Variants in NFIX observed in about 807,000 individuals in gnomAD.
The protein encoded by NFIX is nuclear factor 1 X-type.
NFIX carries 2 observed loss-of-function variants against 53.3 expected under a neutral mutation model. The ratio of observed to expected loss-of-function variants is 0.04; its 90% CI spans 0.02 to 0.12. The LOEUF (loss-of-function observed/expected upper bound fraction) is 0.12. Among genes scored for constraint, NFIX ranks in the 10% least tolerant of loss-of-function variants. NFIX has a pLI of 1.00. For missense variants in NFIX, 310 were observed against 674.5 expected (o/e 0.46, Z 5.99); for synonymous variants, 244 against 289.0 (o/e 0.84, Z 1.58).
At chr19:13,024,124 A>G in intron 1 of NFIX, 1 of 896,738 alleles carries the variant, frequency 1.1e-6, no homozygotes, top group Non-Finnish European at 1.7e-6. Flanking sequence ...AAAAAAAAAA[A>G]AAAAAACCAA....
Position 13,078,550 on chromosome 19 carries a change from G to A in NFIX, c.956-63G>A, listed in dbSNP as rs1238470135. 3.2e-6 allele frequency: 5 copies of A among 1,538,876 alleles called. No individual in the cohort carries two copies. The highest frequency in any genetic ancestry group is 2.7e-5 in the African/African-American group (2 of 72,920). On this transcript the variant is annotated intron_variant, in intron 6 of 10. Coordinates refer to ENST00000592199, the MANE Select transcript of NFIX (RefSeq NM_001365902.3). The surrounding 1 kb of genome is among the most constrained non-coding windows in gnomAD (Gnocchi z 4.7). ...AGAAGGAGCGAGCTGCTGGCTTCCC[G>A]CCTTCCCCGCACCCACCCCAGCCCA... is the stretch of plus-strand genomic sequence containing the variant.
chr19:13,063,018 T>G (rs1168033550), intron 2 of NFIX, among the ~76,000 whole-genome samples: 1 of 152,094 alleles, frequency 6.6e-6, no homozygotes, highest in Non-Finnish European at 1.5e-5. Flanking sequence ...GATGGATTCT[T>G]CCAAGGAAAG....
At chr19:13,065,653 C>A (rs2016356793) in intron 2 of NFIX, among the ~76,000 whole-genome samples, 1 of 152,116 alleles carries the variant, frequency 6.6e-6, no homozygotes, top group South Asian at 2.1e-4. Context: ...GGGGCATATC[C>A]CTTCTCTCTC....
chr19:12,998,959 A>G lies in NFIX; in HGVS notation c.27+3095A>G, dbSNP rs1412104220. Among the ~76,000 whole-genome samples, 4 of 152,114 alleles carry G rather than the reference A, an allele frequency of 2.6e-5. No individual in the cohort carries two copies. ...ACTCACAAACCCCTCGAGATGATAC[A>G]GATAGCGACGAAGGCACATGGAGAC... On this transcript the variant is annotated intron_variant, in intron 1 of 10. Transcript: ENST00000592199. This position sits in a 1 kb window ranked among gnomAD's most constrained non-coding sequence, Gnocchi z 4.4.
rs141583624 is a variant in NFIX at position 13,088,835 on chromosome 19, C to CTTTCTTTTCT, written c.1402+713_1402+722dup. Among the ~76,000 whole-genome samples, 1 of 151,742 alleles carries CTTTCTTTTCT rather than the reference C, an allele frequency of 6.6e-6. No individual in the cohort carries two copies. The highest frequency in any genetic ancestry group is 2.4e-5 in the African/African-American group (1 of 41,396). ...TTACTTCATCTCTCTCTCTGTCTCT[C>CTTTCTTTTCT]TTTCTTTTCTTTTCTTTTCTTTTTT... On this transcript the variant is annotated intron_variant, in intron 9 of 10. Transcript: ENST00000592199. The surrounding 1 kb of genome is among the most constrained non-coding windows in gnomAD (Gnocchi z 5.9).
At position 13,098,350 on chromosome 19, in the gene NFIX, C is replaced by G. The variant is rs942315396; in HGVS notation, c.*3701C>G. On this transcript the variant is annotated 3_prime_UTR_variant, in exon 11 of 11. Coordinates refer to ENST00000592199, the MANE Select transcript of NFIX (RefSeq NM_001365902.3). Reference sequence around the variant, plus strand: ...CCCGCTTCGGCCCCTCCCGGGAGATCCGTGCGCCCGACCAGCACCAGCATC... The same window carrying G: ...CCCGCTTCGGCCCCTCCCGGGAGATGCGTGCGCCCGACCAGCACCAGCATC... The G allele has an allele frequency of 2.0e-5, 3 of 149,988 alleles. No individual in the cohort carries two copies. Among genetic ancestry groups the G allele is most frequent in the African/African-American group, 7.4e-5 (3 of 40,676 alleles). 9.3% of individuals were successfully genotyped at this position (149,988 alleles called of 1,614,324 possible).
Position 13,072,974 on chromosome 19 carries a change from G to T in NFIX, c.560-73G>T. On this transcript the variant is annotated intron_variant, in intron 2 of 10. Transcript: ENST00000592199. The surrounding 1 kb of genome is among the most constrained non-coding windows in gnomAD (Gnocchi z 4.0). ...GTCCCTGCTCTTGCACCAGGCTGGA[G>T]GGGCCAATGCTTGGCTGGTGCTTAT... is the stretch of plus-strand genomic sequence containing the variant. 7.0e-7 allele frequency: 1 copy of T among 1,420,558 alleles called. No individual in the cohort carries two copies. Among genetic ancestry groups the T allele is most frequent in the Non-Finnish European group, 1.0e-6 (1 of 1,003,760 alleles). 88.0% of individuals were successfully genotyped at this position (1,420,558 alleles called of 1,614,324 possible). A position where few individuals can be genotyped will look rare whatever the true frequency, so the allele number is the denominator to read the frequency against.
chr19:13,023,316 C>G (rs1035372173), intron 1 of NFIX, among the ~76,000 whole-genome samples: 2 of 152,038 alleles, frequency 1.3e-5, no homozygotes, highest in Non-Finnish European at 2.9e-5. Context: ...CTCCCTCCCC[C>G]CCTTCTTCCT....
At chr19:13,010,667 G>C (rs1035771649) in intron 1 of NFIX, among the ~76,000 whole-genome samples, 4 of 152,240 alleles carry the variant, frequency 2.6e-5, no homozygotes, top group East Asian at 3.9e-4. Context: ...GCCCCAACGG[G>C]GAGCTCCAGG....
intron 1 of NFIX, among the ~76,000 whole-genome samples, chr19:13,010,088 G>A (rs2012248131): frequency 6.6e-6 from 1 of 152,168 alleles, no homozygotes; most frequent in South Asian, 2.1e-4. Context: ...CTTTTCCCTT[G>A]CTTTCCCCTT....
At chr19:13,047,910 C>T (rs1219843256) in intron 2 of NFIX, among the ~76,000 whole-genome samples, 3 of 152,166 alleles carry the variant, frequency 2.0e-5, no homozygotes, top group Admixed American at 6.5e-5. Context: ...CCTCTTGTTC[C>T]GTCTGCTCGA....
chr19:13,042,582 T>G (rs779830649), intron 2 of NFIX, among the ~76,000 whole-genome samples: 1 of 152,114 alleles, frequency 6.6e-6, no homozygotes, highest in Non-Finnish European at 1.5e-5. Context: ...GGTCTTGAAC[T>G]CCTGGCTGCA....
At chr19:13,029,310 A>G (rs144613906) in intron 2 of NFIX, among the ~76,000 whole-genome samples, 1 of 152,100 alleles carries the variant, frequency 6.6e-6, no homozygotes, top group East Asian at 1.9e-4. Flanking sequence ...CCACTATTAT[A>G]CCCATTAAAA....
intron 2 of NFIX, chr19:13,071,310 A>G (rs993657983): frequency 6.6e-6 from 1 of 152,224 alleles, no homozygotes; most frequent in African/African-American, 2.4e-5. Flanking sequence ...CTGGGGCTCA[A>G]ATCAGACCCA....
chr19:13,059,824 C>G (rs2015954844), intron 2 of NFIX, among the ~76,000 whole-genome samples: 1 of 124,388 alleles, frequency 8.0e-6, no homozygotes, highest in South Asian at 2.8e-4. Flanking sequence ...CACTCTGTAT[C>G]CCAAGCTGGA....
Position 13,073,842 on chromosome 19 carries a change from A to G in NFIX, c.698-64A>G. 2 of 1,608,942 alleles carry G rather than the reference A, an allele frequency of 1.2e-6. No individual in the cohort carries two copies. The highest frequency in any genetic ancestry group is 1.7e-4 in the Middle Eastern group (1 of 6,046). The stretch of plus-strand genomic sequence containing the variant: ...GGCTTCTGGGAAGCTGTTCATGACA[A>G]AGAAACAGACCCCATCAGGCCTCCC... On this transcript the variant is annotated intron_variant, in intron 4 of 10. Transcript: ENST00000592199. The surrounding 1 kb of genome is among the most constrained non-coding windows in gnomAD (Gnocchi z 4.5).
In NFIX at chr19:13,017,850, A is replaced by G. The variant is rs561970440; in HGVS notation, c.28-7171A>G. On this transcript the variant is annotated intron_variant, in intron 1 of 10. Transcript: ENST00000592199. ...AAAGAGTTATGAAGCTGGCCTGTGC[A>G]GTTCTTCCCTCTTCCCGGGCCCTTG... Among the ~76,000 whole-genome samples, 24 of 152,270 alleles carry G rather than the reference A, an allele frequency of 1.6e-4. No individual in the cohort carries two copies. In the East Asian group the frequency reaches 4.6e-3, roughly 29 times the overall value.
Position 13,009,021 on chromosome 19 carries a change from A to G in NFIX, c.27+13157A>G, listed in dbSNP as rs2012177167. On this transcript the variant is annotated intron_variant, in intron 1 of 10. Transcript: ENST00000592199. This position sits in a 1 kb window ranked among gnomAD's most constrained non-coding sequence, Gnocchi z 4.7. ...GCGGGGGTCTCCCAGTCCCAGTCCC[A>G]CACACTGCCTCATCCCCACTCACAG... Among the ~76,000 whole-genome samples, 1 of 152,086 alleles carries G rather than the reference A, an allele frequency of 6.6e-6. No individual in the cohort carries two copies. The highest frequency in any genetic ancestry group is 1.5e-5 in the Non-Finnish European group (1 of 68,006).
At chr19:13,082,106 C>G (rs1030139182) in intron 8 of NFIX, 1 of 516,870 alleles carries the variant, frequency 1.9e-6, no homozygotes, top group Admixed American at 3.3e-5. Flanking sequence ...AGTCAGGCTC[C>G]TTGCCTTTCC....
Sources: allele counts gnomAD v4.1 joint callset (sites outside exome capture counted in the v4.1 genomes callset), GRCh38; gene constraint gnomAD v4.1.1; non-coding constraint Gnocchi (gnomAD v3.1); transcripts MANE v1.5; gene names NCBI Gene and HGNC (gene_info 2026-07-23, HGNC 2026-07-21).